KDM3B: variants seen among roughly 807,000 people sequenced by gnomAD.
The protein encoded by KDM3B is lysine-specific demethylase 3B.
A neutral mutation model predicts 170.0 loss-of-function variants in KDM3B; 10 were observed. The observed-to-expected ratio is 0.06, with a 90% CI of 0.04 to 0.10. The LOEUF (loss-of-function observed/expected upper bound fraction) is 0.10. Among genes scored for constraint, KDM3B ranks in the 10% least tolerant of loss-of-function variants. The pLI, the probability that KDM3B is intolerant of heterozygous loss-of-function variation, is 1.00. For missense variants in KDM3B, 1,394 were observed against 2,195.2 expected (o/e 0.64, Z 7.29); for synonymous variants, 831 against 834.8 (o/e 1.00, Z 0.08).
intron 23 of KDM3B, among the ~76,000 whole-genome samples, chr5:138,432,245 G>T (rs1325107107): frequency 6.6e-6 from 1 of 152,180 alleles, no homozygotes; most frequent in African/African-American, 2.4e-5. Flanking sequence ...AGATTTCTAT[G>T]CAGACTCAAT....
chr5:138,392,149 G>A lies in KDM3B; in HGVS notation c.2517G>A (p.Glu839=), dbSNP rs755374834. ...AGACAGGCCTGAAGGGAATTCCAGA[G>A]CACCTGATGGGGAAGCTGGGCCCCA... ...QAKTGLKGIP[E]HLMGKLGPNG... The change falls in exon 8 of 24, where the codon GAG becomes GAA. Residue 839 remains glutamate (E), a synonymous_variant. Transcript: ENST00000314358. The A allele has an allele frequency of 1.9e-6, 3 of 1,584,186 alleles. No individual in the cohort carries two copies. In the South Asian group the frequency reaches 3.4e-5, roughly 18 times the overall value.
chr5:138,376,721 A>G (rs1762008770), intron 3 of KDM3B, among the ~76,000 whole-genome samples: 1 of 151,828 alleles, frequency 6.6e-6, no homozygotes, highest in African/African-American at 2.4e-5. Flanking sequence ...AAAGAAAAAA[A>G]AAAAAAAAGG....
intron 2 of KDM3B, among the ~76,000 whole-genome samples, chr5:138,373,741 TC>T (rs1761930872): frequency 3.3e-5 from 5 of 152,048 alleles, no homozygotes; most frequent in Admixed American, 3.3e-4. Context: ...TGCTTCAGCC[TC>T]CCAAAGTGCT....
intron 1 of KDM3B, among the ~76,000 whole-genome samples, chr5:138,368,828 A>T (rs951975553): frequency 3.3e-5 from 5 of 152,208 alleles, no homozygotes; most frequent in African/African-American, 4.8e-5. Flanking sequence ...AATTGCCCTT[A>T]AATTAGGTAA....
intron 11 of KDM3B, among the ~76,000 whole-genome samples, chr5:138,413,535 A>G (rs986816505): frequency 2.0e-5 from 3 of 152,242 alleles, no homozygotes; most frequent in Non-Finnish European, 4.4e-5. Flanking sequence ...AAAATTAACT[A>G]TATGACCTGG....
At chr5:138,428,272 G>A (rs138258908) in intron 20 of KDM3B, among the ~76,000 whole-genome samples, 186 bp downstream of exon 20, 146 of 151,724 alleles carry the variant, frequency 9.6e-4, no homozygotes, top group Admixed American at 1.6e-3. Flanking sequence ...GCAGAGGTGC[G>A]ATCTTGGCTC....
chr5:138,382,445 C>T (rs1762150317), intron 6 of KDM3B, among the ~76,000 whole-genome samples: 1 of 151,914 alleles, frequency 6.6e-6, no homozygotes, highest in Non-Finnish European at 1.5e-5. Context: ...GAGCAAGACT[C>T]CGTCTCAAAA....
In KDM3B at chr5:138,401,287, C is replaced by A. The variant is rs200954845; in HGVS notation, c.3199+1275C>A. Among the ~76,000 whole-genome samples the A allele has an allele frequency of 2.9e-4, 38 of 129,782 alleles. 2 individuals carry two copies. Among genetic ancestry groups the A allele is most frequent in the South Asian group, 1.0e-3 (4 of 3,832 alleles). 85.1% of individuals were successfully genotyped at this position (129,782 alleles called of 152,430 possible). On this transcript the variant is annotated intron_variant, in intron 11 of 23. Transcript: ENST00000314358. ...CTTCATCTCAAAAAAAAAAAAAAAA[C>A]CAAAACATACACTATTGTGTCTAGT...
At chr5:138,383,469 G>T (rs7716688) in intron 6 of KDM3B, among the ~76,000 whole-genome samples, 149,802 of 152,322 alleles carry the variant, frequency 0.98, 73,738 homozygotes, top group East Asian at 1. Flanking sequence ...CAGATGTTGG[G>T]TCTTCCTTTT....
chr5:138,368,159 C>T (rs1761788894), intron 1 of KDM3B, among the ~76,000 whole-genome samples: 1 of 152,092 alleles, frequency 6.6e-6, no homozygotes, highest in Admixed American at 6.6e-5. Flanking sequence ...ATCCTGTGGC[C>T]TGGCCACTAC....
intron 1 of KDM3B, among the ~76,000 whole-genome samples, chr5:138,370,200 A>G (rs1480217246): frequency 6.6e-6 from 1 of 152,228 alleles, no homozygotes; most frequent in Non-Finnish European, 1.5e-5. Flanking sequence ...AGTAAAAATC[A>G]TGCTTCTCTC....
intron 8 of KDM3B, among the ~76,000 whole-genome samples, chr5:138,392,506 A>T (rs1561774888): frequency 6.6e-6 from 1 of 152,188 alleles, no homozygotes; most frequent in Non-Finnish European, 1.5e-5. Context: ...AGGACTCTTG[A>T]TCTTCCTTGG....
chr5:138,369,156 A>G (rs1171309008), intron 1 of KDM3B, among the ~76,000 whole-genome samples: 1 of 152,194 alleles, frequency 6.6e-6, no homozygotes, highest in Admixed American at 6.5e-5. Context: ...GACACCTGGT[A>G]GAGTACTGTG....
intron 7 of KDM3B, among the ~76,000 whole-genome samples, chr5:138,386,961 T>C (rs1431982508): frequency 6.6e-6 from 1 of 152,196 alleles, no homozygotes; most frequent in Non-Finnish European, 1.5e-5. Flanking sequence ...CTATAAGAGG[T>C]GAGGTTAATG....
chr5:138,379,773 C>T (rs1183517867), intron 5 of KDM3B, 65 bp downstream of exon 5: 35 of 1,462,892 alleles, frequency 2.4e-5, no homozygotes, highest in Middle Eastern at 2.1e-4. Context: ...TTTAGATAGG[C>T]GAGCACTTCA....
rs1030712676 is a variant in KDM3B, at chr5:138,386,161, G to T, written c.920G>T (p.Gly307Val). 1 of 1,614,174 alleles carries T rather than the reference G, an allele frequency of 6.2e-7. No homozygotes were observed. The highest frequency in any genetic ancestry group is 1.7e-5 in the Admixed American group (1 of 60,010). ...TCAAAGAAATTAAAAGGAGACAGGG[G>T]TGAAGTAGACAGTAATGGGAGCGAT... ...PASKKLKGDR[G>V]EVDSNGSDGG... The change falls in exon 7 of 24, where the codon GGT becomes GTT. Residue 307 changes from glycine to valine, a missense_variant. Coordinates refer to ENST00000314358, the MANE Select transcript of KDM3B (RefSeq NM_016604.4).
At position 138,386,186 on chromosome 5, in the gene KDM3B, T is replaced by G; in HGVS notation, c.945T>G (p.Asp315Glu). 1 of 1,614,012 alleles carries G rather than the reference T, an allele frequency of 6.2e-7. No individual in the cohort carries two copies. Among genetic ancestry groups the G allele is most frequent in the Non-Finnish European group, 8.5e-7 (1 of 1,180,004 alleles). Residue 315 changes from aspartate (D) to glutamate (E), a missense_variant, in exon 7 of 24, where the codon GAT becomes GAG. Asp to Glu is a conservative substitution (Grantham distance 45, BLOSUM62 2). Transcript: ENST00000314358. ...GTGAAGTAGACAGTAATGGGAGCGA[T>G]GGAGGTGAGGCAAGCCGAGGGCCCT... ...DRGEVDSNGSDGGEASRGPWK... is the reference protein window; with the variant it reads ...DRGEVDSNGSEGGEASRGPWK...
chr5:138,359,307 G>T (rs1464256156), intron 1 of KDM3B, among the ~76,000 whole-genome samples: 1 of 151,680 alleles, frequency 6.6e-6, no homozygotes, highest in Non-Finnish European at 1.5e-5. Context: ...GATTACAGGC[G>T]TGTGCCACCA....
At chr5:138,430,965 CTCT>C (rs894039063) in intron 22 of KDM3B, among the ~76,000 whole-genome samples, 2 of 152,196 alleles carry the variant, frequency 1.3e-5, no homozygotes, top group African/African-American at 4.8e-5. Context: ...TTGTAGCATA[CTCT>C]TCTTATCAAT....
Sources: gnomAD v4.1 joint callset for allele counts (sites outside exome capture counted in the v4.1 genomes callset) on GRCh38, gnomAD v4.1.1 for gene constraint, MANE v1.5 for transcripts, NCBI Gene and HGNC (gene_info 2026-07-23, HGNC 2026-07-21) for gene names.